Variants in GAS7 observed in about 807,000 individuals in gnomAD.
GAS7 encodes the protein growth arrest-specific protein 7.
Under a neutral mutation model 71.1 loss-of-function variants are expected in GAS7, and 28 were observed. That is an observed-to-expected ratio of 0.39 (90% CI 0.29 to 0.54). The LOEUF is 0.54. Among genes scored for constraint, GAS7 ranks in the 20% least tolerant of loss-of-function variants. The probability of loss-of-function intolerance (pLI) is 0.62; values close to 1 mark genes in which losing one functional copy is unlikely to be tolerated. For synonymous variants in GAS7, 258 were observed against 245.8 expected (o/e 1.05, Z -0.46); for missense variants, 436 against 627.8 (o/e 0.69, Z 3.27).
chr17:9,956,198 C>A (rs527301193), intron 5 of GAS7, among the ~76,000 whole-genome samples: 1 of 152,300 alleles, frequency 6.6e-6, no homozygotes, highest in African/African-American at 2.4e-5. Context: ...TTGCCTGCAG[C>A]AGAGAAGGGA....
At chr17:10,159,200 A>G (rs189823491) in intron 1 of GAS7, among the ~76,000 whole-genome samples, 30 of 151,280 alleles carry the variant, frequency 2.0e-4, no homozygotes, top group African/African-American at 6.8e-4. Flanking sequence ...ATGTAGAACT[A>G]TGAGAAGTCA....
In GAS7 at chr17:9,974,856, A is replaced by G. The variant is rs740664; in HGVS notation, c.386-5094T>C. ...CGCCACCCAGGGCTCACCCCCACCCACAGCTCGGCTTCCATATCTCAGTAC... is the reference window on the plus strand; with the variant it reads ...CGCCACCCAGGGCTCACCCCCACCCGCAGCTCGGCTTCCATATCTCAGTAC... On this transcript the variant is annotated intron_variant, in intron 3 of 13. Coordinates refer to ENST00000432992, the MANE Select transcript of GAS7 (RefSeq NM_201433.2). This position sits in a 1 kb window ranked among gnomAD's most constrained non-coding sequence, Gnocchi z 4.0. 0.46 allele frequency among the ~76,000 whole-genome samples: 70,530 copies of G among 151,998 alleles called. 18,123 individuals are homozygous for G. Among genetic ancestry groups the G allele is most frequent in the African/African-American group, 0.67 (27,724 of 41,418 alleles).
At chr17:10,095,508 C>G (rs2073631634) in intron 1 of GAS7, among the ~76,000 whole-genome samples, 1 of 152,138 alleles carries the variant, frequency 6.6e-6, no homozygotes, top group South Asian at 2.1e-4. Flanking sequence ...TTTGAAGGTC[C>G]AGTTTGATGA....
At chr17:9,972,645 C>T (rs2075684485) in intron 3 of GAS7, among the ~76,000 whole-genome samples, 1 of 152,134 alleles carries the variant, frequency 6.6e-6, no homozygotes, top group Admixed American at 6.5e-5. Flanking sequence ...AACTTGGTCA[C>T]ATTTAAGCCA....
At chr17:10,126,589 C>T (rs535241248) in intron 1 of GAS7, among the ~76,000 whole-genome samples, 7 of 151,832 alleles carry the variant, frequency 4.6e-5, no homozygotes, top group African/African-American at 1.2e-4. Context: ...CACACACATT[C>T]ACACACACAC....
intron 1 of GAS7, 132 bp downstream of exon 1, chr17:10,198,076 C>G: frequency 1.3e-6 from 1 of 795,510 alleles, no homozygotes; most frequent in South Asian, 1.7e-5. Flanking sequence ...CTACAGGTAG[C>G]GCCGGCAAGG....
chr17:9,941,497 GTCC>G (rs2068602044), intron 7 of GAS7, among the ~76,000 whole-genome samples: 1 of 152,180 alleles, frequency 6.6e-6, no homozygotes, highest in Non-Finnish European at 1.5e-5. Flanking sequence ...GCCAGCACCT[GTCC>G]TCAAGCCAGG....
intron 5 of GAS7, among the ~76,000 whole-genome samples, chr17:9,951,846 G>T (rs1156280893): frequency 6.6e-6 from 1 of 151,654 alleles, no homozygotes; most frequent in Non-Finnish European, 1.5e-5. Flanking sequence ...GGGCAGGCAG[G>T]AGGAGAAATG....
At chr17:10,043,860 G>A (rs2072908226) in intron 1 of GAS7, among the ~76,000 whole-genome samples, 1 of 152,208 alleles carries the variant, frequency 6.6e-6, no homozygotes, top group African/African-American at 2.4e-5. Flanking sequence ...TTGAACCCTG[G>A]AAGTTGAGGC....
chr17:10,087,986 G>C (rs1027229208), intron 1 of GAS7, among the ~76,000 whole-genome samples: 1 of 151,988 alleles, frequency 6.6e-6, no homozygotes, highest in Non-Finnish European at 1.5e-5. Context: ...AAATAAAAGG[G>C]AAGAAGGGCT....
At chr17:9,991,810 A>T (rs1269023867) in intron 2 of GAS7, among the ~76,000 whole-genome samples, 1 of 152,174 alleles carries the variant, frequency 6.6e-6, no homozygotes, top group East Asian at 1.9e-4. Context: ...TCACCGAGAC[A>T]ACAGGTGCTG....
intron 1 of GAS7, among the ~76,000 whole-genome samples, chr17:10,082,737 C>T (rs1395594908): frequency 6.6e-6 from 1 of 152,120 alleles, no homozygotes; most frequent in Non-Finnish European, 1.5e-5. Context: ...TGGAAGCAAC[C>T]TAAATGTCCA....
chr17:10,117,316 A>G (rs2073869439), intron 1 of GAS7, among the ~76,000 whole-genome samples: 1 of 152,098 alleles, frequency 6.6e-6, no homozygotes, highest in Admixed American at 6.6e-5. Context: ...TGGATAATCC[A>G]GGATTATCTC....
At chr17:10,049,609 C>CTTTTTTTTTT (rs1168627510) in intron 1 of GAS7, among the ~76,000 whole-genome samples, 3 of 70,396 alleles carry the variant, frequency 4.3e-5, no homozygotes, top group Non-Finnish European at 5.6e-5. Context: ...GAAATTACTT[C>CTTTTTTTTTT]TTTTTTTTTT....
At chr17:10,088,824 A>C (rs991980446) in intron 1 of GAS7, among the ~76,000 whole-genome samples, 1 of 152,076 alleles carries the variant, frequency 6.6e-6, no homozygotes, top group African/African-American at 2.4e-5. Flanking sequence ...GGGGGGTTCA[A>C]GCTGAACCAT....
chr17:9,946,030 A>G (rs1228066836), intron 6 of GAS7, among the ~76,000 whole-genome samples: 2 of 152,088 alleles, frequency 1.3e-5, no homozygotes, highest in African/African-American at 4.8e-5. Flanking sequence ...GTTTTTACTT[A>G]TTTATTGTTC....
At chr17:10,131,819 G>A (rs921942572) in intron 1 of GAS7, among the ~76,000 whole-genome samples, 9 of 152,030 alleles carry the variant, frequency 5.9e-5, no homozygotes, top group Admixed American at 1.3e-4. Context: ...AGACGGGCTC[G>A]AGAATGAATA....
chr17:10,116,650 G>C (rs2073864219), intron 1 of GAS7, among the ~76,000 whole-genome samples: 1 of 152,176 alleles, frequency 6.6e-6, no homozygotes, highest in South Asian at 2.1e-4. Context: ...ACAATGGGAA[G>C]AGAAGGTATT....
At chr17:9,949,399 C>T (rs2068914700) in intron 5 of GAS7, among the ~76,000 whole-genome samples, 1 of 152,176 alleles carries the variant, frequency 6.6e-6, no homozygotes, top group African/African-American at 2.4e-5. Context: ...TAATAATAAA[C>T]ACAATAACAC....
Sources: allele counts gnomAD v4.1 joint callset (sites outside exome capture counted in the v4.1 genomes callset), GRCh38; gene constraint gnomAD v4.1.1; non-coding constraint Gnocchi (gnomAD v3.1); transcripts MANE v1.5; gene names NCBI Gene and HGNC (gene_info 2026-07-23, HGNC 2026-07-21).